SLC25A24: variants seen among roughly 807,000 people sequenced by gnomAD.
SLC25A24 encodes the protein mitochondrial adenyl nucleotide antiporter SLC25A24.
Under a neutral mutation model 60.7 loss-of-function variants are expected in SLC25A24, and 49 were observed. That is an observed-to-expected ratio of 0.81 (90% CI 0.64 to 1.02). SLC25A24 has a LOEUF of 1.02. Ranked by LOEUF, SLC25A24 falls within the 50% of genes least tolerant of loss-of-function variation. The pLI is 0.00. For synonymous variants in SLC25A24, 202 were observed against 200.6 expected (o/e 1.01, Z -0.06); for missense variants, 564 against 586.3 (o/e 0.96, Z 0.39).
Position 108,181,790 on chromosome 1 carries a change from T to C in SLC25A24, c.398+151A>G, listed in dbSNP as rs541852891. 23 of 647,750 alleles carry C rather than the reference T, an allele frequency of 3.6e-5. No individual in the cohort carries two copies. In the East Asian group the frequency reaches 5.8e-4, roughly 16 times the overall value. The allele number at this position is 647,750 out of a possible 1,614,324, so 40.1% of individuals were successfully genotyped here. A position where few individuals can be genotyped will look rare whatever the true frequency, so the allele number is the denominator to read the frequency against. On this transcript the variant is annotated intron_variant, in intron 3 of 9. Transcript: ENST00000565488. Reference sequence around the variant, plus strand: ...CTTACACTTTAGATAAATGTACACATACAAAATGAATGGGAGGAAAAAAGA... The same window carrying C: ...CTTACACTTTAGATAAATGTACACACACAAAATGAATGGGAGGAAAAAAGA...
chr1:108,170,403 G>A (rs956527944), intron 3 of SLC25A24, among the ~76,000 whole-genome samples: 2 of 152,036 alleles, frequency 1.3e-5, no homozygotes, highest in Admixed American at 6.6e-5. Flanking sequence ...TTTTATACAT[G>A]TTCCATAAAT....
intron 1 of SLC25A24, among the ~76,000 whole-genome samples, chr1:108,189,878 T>A (rs1050807253): frequency 4.1e-5 from 6 of 147,676 alleles, no homozygotes; most frequent in Non-Finnish European, 8.9e-5. Flanking sequence ...AAAATATATA[T>A]ATATATGTAT....
At chr1:108,152,730 A>G (rs1679789169) in intron 6 of SLC25A24, among the ~76,000 whole-genome samples, 1 of 152,184 alleles carries the variant, frequency 6.6e-6, no homozygotes, top group Admixed American at 6.5e-5. Context: ...TTTACTTAAT[A>G]AGGGTTTCCT....
intron 1 of SLC25A24, 117 bp downstream of exon 1, chr1:108,199,837 CCA>C: frequency 1.3e-6 from 1 of 781,034 alleles, no homozygotes; most frequent in Non-Finnish European, 2.0e-6. Flanking sequence ...GCGCTGGGCG[CCA>C]CAGTTCCTCC....
At chr1:108,137,723 T>C (rs755754072) in intron 9 of SLC25A24, among the ~76,000 whole-genome samples, 1 of 152,202 alleles carries the variant, frequency 6.6e-6, no homozygotes, top group Non-Finnish European at 1.5e-5. Context: ...TCAGACTGCA[T>C]GTGTCTGAAT....
intron 6 of SLC25A24, among the ~76,000 whole-genome samples, chr1:108,150,114 C>G (rs1182566040): frequency 6.6e-6 from 1 of 152,122 alleles, no homozygotes; most frequent in Non-Finnish European, 1.5e-5. Context: ...GCTTAAAAAC[C>G]TTCCTGCACT....
In SLC25A24 at chr1:108,199,824, G is replaced by C. The variant is rs1409540604; in HGVS notation, c.183+132C>G. Reference sequence around the variant, plus strand: ...CCACGCCCGAGTTTCTGAAGCCACCGGAGCGCTGGGCGCCACAGTTCCTCC... The same window carrying C: ...CCACGCCCGAGTTTCTGAAGCCACCCGAGCGCTGGGCGCCACAGTTCCTCC... On this transcript the variant is annotated intron_variant, in intron 1 of 9. Transcript: ENST00000565488. 9.9e-6 allele frequency: 7 copies of C among 708,368 alleles called. No individual in the cohort carries two copies. The African/African-American group carries it at 1.3e-4, about 13-fold the overall frequency. 43.9% of individuals were successfully genotyped at this position (708,368 alleles called of 1,614,324 possible). A position where few individuals can be genotyped will look rare whatever the true frequency, so the allele number is the denominator to read the frequency against.
chr1:108,150,839 T>C (rs1028972125), intron 6 of SLC25A24, among the ~76,000 whole-genome samples: 7 of 152,186 alleles, frequency 4.6e-5, no homozygotes, highest in African/African-American at 1.7e-4. Context: ...CTCTTACCTA[T>C]GTTTTCAACT....
intron 7 of SLC25A24, 21 bp downstream of exon 7, chr1:108,148,258 A>T (rs1353523788): frequency 7.3e-7 from 1 of 1,375,696 alleles, no homozygotes; most frequent in East Asian, 2.3e-5. Flanking sequence ...TCACACAGTC[A>T]GACTTGACAA....
Position 108,164,967 on chromosome 1 carries a change from C to T in SLC25A24, c.399-3674G>A, listed in dbSNP as rs376339308. ...TTCCCTCTACACACTGCTTTGAATG[C>T]GTCCCAGAGATTCTGGTATGTTGTG... On this transcript the variant is annotated intron_variant, in intron 3 of 9. Transcript: ENST00000565488. Among the ~76,000 whole-genome samples, 18 of 143,176 alleles carry T rather than the reference C, an allele frequency of 1.3e-4. No homozygotes were observed. The East Asian group carries it at 2.2e-3, about 17-fold the overall frequency. 93.9% of individuals were successfully genotyped at this position (143,176 alleles called of 152,430 possible).
intron 6 of SLC25A24, among the ~76,000 whole-genome samples, chr1:108,152,776 C>G (rs555584381): frequency 6.6e-6 from 1 of 152,316 alleles, no homozygotes; most frequent in East Asian, 1.9e-4. Context: ...CAAGTAGCTA[C>G]TGCCTAAGGA....
chr1:108,139,487 G>T (rs1300723598), intron 8 of SLC25A24, among the ~76,000 whole-genome samples: 1 of 152,090 alleles, frequency 6.6e-6, no homozygotes, highest in Admixed American at 6.6e-5. Context: ...ACCTCTTATG[G>T]TGAGTATTAA....
At chr1:108,160,137 G>C (rs1435200419) in intron 4 of SLC25A24, among the ~76,000 whole-genome samples, 1 of 150,858 alleles carries the variant, frequency 6.6e-6, no homozygotes, top group African/African-American at 2.4e-5. Context: ...GCTGCCGGGC[G>C]GAGACGCTCC....
intron 6 of SLC25A24, among the ~76,000 whole-genome samples, chr1:108,150,309 A>T (rs1309809648): frequency 6.6e-6 from 1 of 152,182 alleles, no homozygotes; most frequent in African/African-American, 2.4e-5. Flanking sequence ...AAAGTCAGGC[A>T]CTGTGCCTGG....
chr1:108,177,929 C>A (rs1457201578), intron 3 of SLC25A24, among the ~76,000 whole-genome samples: 2 of 152,118 alleles, frequency 1.3e-5, no homozygotes, highest in East Asian at 3.9e-4. Flanking sequence ...CTTTGGGAGG[C>A]CAAGGCGGGT....
intron 8 of SLC25A24, among the ~76,000 whole-genome samples, chr1:108,141,107 T>C (rs1401932860): frequency 6.6e-6 from 1 of 152,022 alleles, no homozygotes; most frequent in East Asian, 1.9e-4. Context: ...AGATATTCCA[T>C]AAAAACGGGA....
At chr1:108,136,918 A>C in intron 9 of SLC25A24, 81 bp from the exon 10 acceptor site, 1 of 1,255,192 alleles carries the variant, frequency 8.0e-7, no homozygotes, top group Non-Finnish European at 1.1e-6. Flanking sequence ...ACCCAGAATG[A>C]TATTCTAAAA....
chr1:108,194,793 A>G (rs558640561), intron 1 of SLC25A24, among the ~76,000 whole-genome samples: 106 of 152,338 alleles, frequency 7.0e-4, no homozygotes, highest in Admixed American at 2.5e-3. Flanking sequence ...GTTTGAAAAC[A>G]TTAAATGAAT....
chr1:108,194,727 C>T (rs540290462), intron 1 of SLC25A24, among the ~76,000 whole-genome samples: 5 of 152,230 alleles, frequency 3.3e-5, no homozygotes, highest in Non-Finnish European at 5.9e-5. Flanking sequence ...CAATGAAGAA[C>T]GCTGTCAGTG....
Sources: allele counts gnomAD v4.1 joint callset (sites outside exome capture counted in the v4.1 genomes callset), GRCh38; gene constraint gnomAD v4.1.1; transcripts MANE v1.5; gene names NCBI Gene and HGNC (gene_info 2026-07-23, HGNC 2026-07-21).